Variants in XIST observed in about 807,000 individuals in gnomAD.
XIST encodes the protein X inactive specific transcript (non-protein coding).
rs767371749 is a variant in XIST, at chrX:73,846,969, A to G, written n.5755T>C. On this transcript the variant is annotated non_coding_transcript_exon_variant, in exon 1 of 6. Transcript: ENST00000429829. Reference sequence around the variant, plus strand: ...ATCTACAGTTCGAAGAGAAGGGCTTAATATTGATTAGCACTCTCTGCTTTG... The same window carrying G: ...ATCTACAGTTCGAAGAGAAGGGCTTGATATTGATTAGCACTCTCTGCTTTG... 5.4e-6 allele frequency: 3 copies of G among 559,278 alleles called. No homozygotes were observed. In the South Asian group the frequency reaches 6.7e-5, roughly 12 times the overall value. 46.1% of individuals were successfully genotyped at this position (559,278 alleles called of 1,213,427 possible). A position where few individuals can be genotyped will look rare whatever the true frequency, so the allele number is the denominator to read the frequency against.
At chrX:73,844,354 A>G (rs1297188993) in exon 1 of XIST, 2 of 558,153 alleles carry the variant, frequency 3.6e-6, no homozygotes, top group East Asian at 3.2e-5. Context: ...AGTAGTGGGT[A>G]CTCCTTGTTG....
exon 6 of XIST, chrX:73,823,232 A>AT (rs752685402): frequency 5.6e-6 from 3 of 532,145 alleles, no homozygotes; most frequent in Non-Finnish European, 1.0e-5. Context: ...AACTAAGCCA[A>AT]TGAGGAAGTG....
chrX:73,821,089 A>T (rs571198652), exon 6 of XIST: 5 of 558,638 alleles, frequency 9.0e-6, no homozygotes, highest in African/African-American at 2.2e-5. Flanking sequence ...TCCATTCCCC[A>T]TCCCCAGCTG....
intron 3 of XIST, among the ~76,000 whole-genome samples, chrX:73,832,731 T>C (rs1384212800): frequency 9.0e-6 from 1 of 111,635 alleles, no homozygotes; most frequent in East Asian, 2.8e-4. Flanking sequence ...TCATTCTTCA[T>C]TGGGGATCAA....
In XIST at chrX:73,844,949, G is replaced by A. The variant is rs181206215; in HGVS notation, n.7775C>T. The A allele has an allele frequency of 2.6e-4, 146 of 552,472 alleles. No homozygotes were observed. In the African/African-American group the frequency reaches 3.1e-3, roughly 12 times the overall value. The allele number at this position is 552,472 out of a possible 1,213,427, so 45.5% of individuals were successfully genotyped here. On this transcript the variant is annotated non_coding_transcript_exon_variant, in exon 1 of 6. Coordinates refer to ENST00000429829, the Ensembl canonical transcript of XIST. ...AAGATTGAGGGTGGGGTGGGGCAGG[G>A]GAGGCTTCCATGTCTTATACACTGG...
At chrX:73,831,084 T>C (rs775310465) in exon 4 of XIST, 1 of 558,038 alleles carries the variant, frequency 1.8e-6, no homozygotes, top group East Asian at 3.2e-5. Context: ...GTGGTGGTTG[T>C]TTTTGAGACT....
At chrX:73,830,504 G>A (rs1017896763) in intron 4 of XIST, among the ~76,000 whole-genome samples, 8 of 112,015 alleles carry the variant, frequency 7.1e-5, no homozygotes, top group Non-Finnish European at 1.1e-4. Flanking sequence ...AGAGAATGTA[G>A]GGTCCTGGTT....
At chrX:73,826,986 T>G (rs765855419) in exon 6 of XIST, 2 of 559,031 alleles carry the variant, frequency 3.6e-6, no homozygotes, top group Non-Finnish European at 6.5e-6. Context: ...TCTTGGCTCT[T>G]GAGGCTTTTG....
exon 1 of XIST, chrX:73,852,105 TAAAAA>T: frequency 4.8e-6 from 2 of 420,699 alleles, no homozygotes; most frequent in East Asian, 7.8e-5. Context: ...CAAGGAAAAA[TAAAAA>T]AAAAAAAAGC....
intron 4 of XIST, chrX:73,829,296 A>T: frequency 4.2e-6 from 2 of 475,645 alleles, no homozygotes. Flanking sequence ...CTAGAGTTAC[A>T]TAAGATTCAA....
At chrX:73,850,496 T>G (rs1272466275) in exon 1 of XIST, 2 of 546,570 alleles carry the variant, frequency 3.7e-6, no homozygotes, top group South Asian at 4.6e-5. Flanking sequence ...TAAATCAAAA[T>G]CCGACCCCAG....
chrX:73,843,302 A>G (rs1343164423), exon 1 of XIST: 2 of 558,541 alleles, frequency 3.6e-6, no homozygotes, highest in Non-Finnish European at 6.5e-6. Context: ...GTGGGTCAGT[A>G]CCCCCGATGT....
At chrX:73,848,909 CAT>C (rs779021462) in exon 1 of XIST, 1 of 556,698 alleles carries the variant, frequency 1.8e-6, no homozygotes. Flanking sequence ...AAGGCATACA[CAT>C]AAGTGGGTCT....
exon 1 of XIST, chrX:73,843,072 G>A: frequency 1.8e-6 from 1 of 558,380 alleles, no homozygotes; most frequent in Non-Finnish European, 3.2e-6. Flanking sequence ...ATTATGCCAT[G>A]GGAAACTAAG....
exon 1 of XIST, chrX:73,847,672 A>C (rs762880739): frequency 1.9e-6 from 1 of 529,406 alleles, no homozygotes; most frequent in Non-Finnish European, 3.4e-6. Flanking sequence ...AGACATTTGA[A>C]ATGTCTTAGA....
exon 1 of XIST, chrX:73,843,946 T>C (rs1223757962): frequency 3.6e-6 from 2 of 558,202 alleles, no homozygotes; most frequent in Non-Finnish European, 6.5e-6. Flanking sequence ...ATGTTGATAG[T>C]CCACCAGAAG....
exon 1 of XIST, chrX:73,851,832 T>A: frequency 1.8e-6 from 1 of 558,723 alleles, no homozygotes; most frequent in Non-Finnish European, 3.2e-6. Context: ...GCGGCCACTT[T>A]TCCTCCACAA....
chrX:73,843,390 A>C (rs1922649698), exon 1 of XIST: 1 of 557,151 alleles, frequency 1.8e-6, no homozygotes, highest in African/African-American at 2.2e-5. Context: ...ATTGTCCAAG[A>C]GCTGAGATTA....
intron 1 of XIST, among the ~76,000 whole-genome samples, chrX:73,840,092 G>A (rs774914639): frequency 8.1e-5 from 9 of 111,309 alleles, no homozygotes; most frequent in Non-Finnish European, 1.5e-4. Flanking sequence ...ACGTGAAATT[G>A]GAAAACATAT....
Sources: allele counts gnomAD v4.1 joint callset (sites outside exome capture counted in the v4.1 genomes callset), GRCh38; gene constraint gnomAD v4.1.1; transcripts MANE v1.5; gene names NCBI Gene and HGNC (gene_info 2026-07-23, HGNC 2026-07-21).